USP37: variants seen among roughly 807,000 people sequenced by gnomAD.
The protein encoded by USP37 is ubiquitin carboxyl-terminal hydrolase 37.
USP37 carries 27 observed loss-of-function variants against 124.0 expected under a neutral mutation model. The observed-to-expected ratio is 0.22, with a 90% CI of 0.16 to 0.30. The LOEUF (loss-of-function observed/expected upper bound fraction) is 0.30. Ranked by LOEUF, USP37 falls within the 10% of genes least tolerant of loss-of-function variation. The pLI is 1.00. For synonymous variants in USP37, 365 were observed against 388.0 expected (o/e 0.94, Z 0.70); for missense variants, 889 against 1,140.4 (o/e 0.78, Z 3.17).
rs778951270 is a variant in USP37, at chr2:218,466,075, C to T, written c.2401G>A (p.Asp801Asn). The T allele has an allele frequency of 6.2e-7, 1 of 1,613,896 alleles. No homozygotes were observed. The highest frequency in any genetic ancestry group is 1.7e-5 in the Admixed American group (1 of 59,930). ...TGCTCTTCCCTTTCACGCTCCATAT[C>T]ATACTGCTGGAGCCAATCAACTTCT... ...QGEVDWLQQY[D>N]MEREREEQEL... The change falls in exon 21 of 26, where the codon GAT (aspartate) becomes AAT (asparagine). Residue 801 changes from aspartate to asparagine, a missense_variant. Asp to Asn is a conservative substitution (Grantham distance 23). Transcript: ENST00000258399.
intron 8 of USP37, 122 bp downstream of exon 8, chr2:218,546,099 C>A: frequency 1.3e-6 from 1 of 795,844 alleles, no homozygotes; most frequent in South Asian, 1.8e-5. Context: ...ACTTTACATT[C>A]TGCTCTTCCA....
At chr2:218,476,791 TA>T in intron 19 of USP37, 48 bp downstream of exon 19, 1 of 1,560,204 alleles carries the variant, frequency 6.4e-7, no homozygotes, top group Non-Finnish European at 8.6e-7. Context: ...GTTTGGACAG[TA>T]AGAGATAAAC....
At chr2:218,523,207 G>A (rs1690766448) in intron 10 of USP37, among the ~76,000 whole-genome samples, 1 of 151,970 alleles carries the variant, frequency 6.6e-6, no homozygotes, top group South Asian at 2.1e-4. Context: ...AGGTTGCAGT[G>A]AGCCAGGATT....
intron 10 of USP37, among the ~76,000 whole-genome samples, chr2:218,510,373 C>A (rs183102408): frequency 2.6e-5 from 4 of 152,236 alleles, no homozygotes; most frequent in African/African-American, 9.6e-5. Context: ...CCAAAATAAT[C>A]CATGTTAATG....
At chr2:218,528,444 C>G (rs1054443225) in intron 10 of USP37, 1 of 159,414 alleles carries the variant, frequency 6.3e-6, no homozygotes, top group African/African-American at 2.4e-5. Flanking sequence ...CCACGACAGA[C>G]CCCGGTGAGT....
chr2:218,557,220 G>A (rs565803000), intron 4 of USP37, among the ~76,000 whole-genome samples: 23 of 152,144 alleles, frequency 1.5e-4, no homozygotes, highest in African/African-American at 5.5e-4. Context: ...TTTAACAAAC[G>A]AATGCTGAAT....
chr2:218,511,772 A>G (rs1318392835), intron 10 of USP37, among the ~76,000 whole-genome samples: 2 of 145,426 alleles, frequency 1.4e-5, no homozygotes, highest in Admixed American at 7.1e-5. Context: ...AAATTTTTAT[A>G]CTGGGAAATT....
At chr2:218,506,860 G>C (rs1023723694) in intron 11 of USP37, among the ~76,000 whole-genome samples, 1 of 151,162 alleles carries the variant, frequency 6.6e-6, no homozygotes, top group East Asian at 2.0e-4. Flanking sequence ...GCAGTGGCGC[G>C]ATCTCAGCTC....
At chr2:218,515,746 C>T (rs1293924656) in intron 10 of USP37, among the ~76,000 whole-genome samples, 1 of 152,148 alleles carries the variant, frequency 6.6e-6, no homozygotes, top group Non-Finnish European at 1.5e-5. Context: ...AAACTATCAT[C>T]AGAGTGAACA....
chr2:218,552,983 C>G (rs550685629), intron 5 of USP37, among the ~76,000 whole-genome samples: 1 of 152,268 alleles, frequency 6.6e-6, no homozygotes, highest in South Asian at 2.1e-4. Context: ...TTTGTCTAAT[C>G]ATATTGTTTT....
intron 20 of USP37, among the ~76,000 whole-genome samples, chr2:218,466,629 T>C (rs151042595): frequency 1.1e-3 from 172 of 152,298 alleles, no homozygotes; most frequent in Admixed American, 4.3e-3. Context: ...AAAACAGCCA[T>C]AGGTCATAGT....
chr2:218,477,196 A>G (rs556422069), intron 18 of USP37, among the ~76,000 whole-genome samples: 6 of 152,374 alleles, frequency 3.9e-5, no homozygotes, highest in Admixed American at 3.9e-4. Context: ...ACTACGTATC[A>G]TCAGTAAACT....
chr2:218,485,434 G>A lies in USP37; in HGVS notation c.1670+230C>T, dbSNP rs1375900480. ...CTCCCAAAGTGCTAGGATTACAGGC[G>A]TGAGCTATCACACCTGGTCACCTTT... On this transcript the variant is annotated intron_variant, in intron 16 of 25. Transcript: ENST00000258399. Among the ~76,000 whole-genome samples the A allele has an allele frequency of 3.9e-5, 6 of 151,970 alleles. No homozygotes were observed. The East Asian group carries it at 5.8e-4, about 15-fold the overall frequency.
intron 10 of USP37, among the ~76,000 whole-genome samples, chr2:218,513,529 C>A (rs1399262344): frequency 6.6e-6 from 1 of 152,028 alleles, no homozygotes; most frequent in Non-Finnish European, 1.5e-5. Context: ...ATCCTGGTGC[C>A]CGTTTGTATC....
chr2:218,488,983 TATAAC>T (rs1691753933), intron 14 of USP37, among the ~76,000 whole-genome samples: 1 of 152,032 alleles, frequency 6.6e-6, no homozygotes. Flanking sequence ...AAAACTAAAG[TATAAC>T]ATAACATACA....
intron 10 of USP37, among the ~76,000 whole-genome samples, chr2:218,522,401 T>TC (rs1574920065): frequency 7.0e-6 from 1 of 142,836 alleles, no homozygotes; most frequent in East Asian, 2.0e-4. Flanking sequence ...CATCTCTCTC[T>TC]TTTTTTTTTT....
chr2:218,528,752 T>G (rs927227954), intron 10 of USP37: 2 of 392,890 alleles, frequency 5.1e-6, no homozygotes, highest in Non-Finnish European at 4.6e-6. Flanking sequence ...TGATCACATG[T>G]TCTCAACAAG....
At position 218,452,898 on chromosome 2, in the gene USP37, T is replaced by G. The variant is rs1035422883; in HGVS notation, c.*2032A>C. On this transcript the variant is annotated 3_prime_UTR_variant, in exon 26 of 26. Transcript: ENST00000258399. Reference sequence around the variant, plus strand: ...CTTCACTCATTTATAAGAAAACCAATTATTTCCAAGCAAAATCAAACCAAA... The same window carrying G: ...CTTCACTCATTTATAAGAAAACCAAGTATTTCCAAGCAAAATCAAACCAAA... 2.0e-5 allele frequency: 3 copies of G among 152,200 alleles called. No homozygotes were observed. The highest frequency in any genetic ancestry group is 7.2e-5 in the African/African-American group (3 of 41,438). The allele number at this position is 152,200 out of a possible 1,614,324, so 9.4% of individuals were successfully genotyped here. A position where few individuals can be genotyped will look rare whatever the true frequency, so the allele number is the denominator to read the frequency against.
chr2:218,561,359 T>C (rs1273251089), intron 2 of USP37, among the ~76,000 whole-genome samples: 3 of 152,172 alleles, frequency 2.0e-5, no homozygotes, highest in Non-Finnish European at 4.4e-5. Context: ...GAGAATCCCA[T>C]CAATTCTGCC....
Sources: gnomAD v4.1 joint callset for allele counts (sites outside exome capture counted in the v4.1 genomes callset) on GRCh38, gnomAD v4.1.1 for gene constraint, MANE v1.5 for transcripts, NCBI Gene and HGNC (gene_info 2026-07-23, HGNC 2026-07-21) for gene names.